The following SH3RF2 variants were observed in gnomAD, a reference collection of about 807,000 sequenced individuals.
SH3RF2 encodes E3 ubiquitin-protein ligase SH3RF2.
Under a neutral mutation model 59.0 loss-of-function variants are expected in SH3RF2, and 43 were observed. That is an observed-to-expected ratio of 0.73 (90% CI 0.57 to 0.94). The LOEUF (loss-of-function observed/expected upper bound fraction) is 0.94. SH3RF2 is among the 40% of genes least tolerant of loss of function. The pLI, the probability that SH3RF2 is intolerant of heterozygous loss-of-function variation, is 0.00. For missense variants in SH3RF2, 930 were observed against 940.1 expected (o/e 0.99, Z 0.14); for synonymous variants, 391 against 391.5 (o/e 1.00, Z 0.01).
In SH3RF2 at chr5:146,013,933, A is replaced by T; in HGVS notation, c.931A>T (p.Met311Leu). The T allele has an allele frequency of 6.2e-7, 1 of 1,614,072 alleles. No homozygotes were observed. Among genetic ancestry groups the T allele is most frequent in the African/African-American group, 1.3e-5 (1 of 75,010 alleles). ...AACAGCCTTGAACACTCTCAACCGGATGGTCCATTCTCCTTCAGGGCGCCA... is the reference window on the plus strand; with the variant it reads ...AACAGCCTTGAACACTCTCAACCGGTTGGTCCATTCTCCTTCAGGGCGCCA... ...ITTALNTLNR[M>L]VHSPSGRHMV... The change falls in exon 5 of 10, where the codon ATG (methionine) becomes TTG (leucine). Residue 311 changes from methionine to leucine, a missense_variant. Met to Leu is a conservative substitution (Grantham distance 15). Coordinates refer to ENST00000359120, the MANE Select transcript of SH3RF2 (RefSeq NM_152550.4).
chr5:146,048,957 G>C (rs1289356447), intron 6 of SH3RF2, 118 bp from the exon 7 acceptor site: 1 of 1,233,470 alleles, frequency 8.1e-7, no homozygotes, highest in South Asian at 1.4e-5. Context: ...GCACCCGCTC[G>C]ACCAAGAAGG....
chr5:146,022,855 C>A (rs1353764971), intron 5 of SH3RF2, among the ~76,000 whole-genome samples: 1 of 150,038 alleles, frequency 6.7e-6, no homozygotes, highest in Non-Finnish European at 1.5e-5. Flanking sequence ...CTGAGTGACA[C>A]AGAGCAAGGC....
At chr5:145,970,084 T>G (rs1759018482) in intron 2 of SH3RF2, among the ~76,000 whole-genome samples, 1 of 152,202 alleles carries the variant, frequency 6.6e-6, no homozygotes, top group South Asian at 2.1e-4. Context: ...TAGCTTTACA[T>G]GTATTAACTC....
At chr5:146,032,962 G>A (rs527580275) in intron 5 of SH3RF2, among the ~76,000 whole-genome samples, 7 of 152,210 alleles carry the variant, frequency 4.6e-5, no homozygotes, top group South Asian at 2.1e-4. Flanking sequence ...ATATACACAC[G>A]GACTTGTGTG....
In SH3RF2 at chr5:145,938,380, A is replaced by G. The variant is rs777160624; in HGVS notation, c.378+74A>G. The G allele has an allele frequency of 5.5e-6, 8 of 1,458,040 alleles. No homozygotes were observed. The African/African-American group carries it at 7.1e-5, about 13-fold the overall frequency. The allele number at this position is 1,458,040 out of a possible 1,614,324, so 90.3% of individuals were successfully genotyped here. ...TTGTGTATACAAGGAGCTAGAGATTATCTTCTTTTAGTTACATTCCAGAGT... is the reference window on the plus strand; with the variant it reads ...TTGTGTATACAAGGAGCTAGAGATTGTCTTCTTTTAGTTACATTCCAGAGT... On this transcript the variant is annotated intron_variant, in intron 2 of 9. Transcript: ENST00000359120.
At chr5:146,060,862 C>T (rs1012969765) in intron 9 of SH3RF2, among the ~76,000 whole-genome samples, 9 of 152,122 alleles carry the variant, frequency 5.9e-5, no homozygotes, top group Non-Finnish European at 1.3e-4. Flanking sequence ...CACTAGAAGA[C>T]GTGAGAGTTT....
chr5:145,999,043 G>A (rs578035967), intron 2 of SH3RF2, among the ~76,000 whole-genome samples: 83 of 151,684 alleles, frequency 5.5e-4, no homozygotes, highest in African/African-American at 1.9e-3. Context: ...AAACCTTAAT[G>A]ATGATCTGAG....
chr5:146,062,142 C>T (rs951298945), intron 9 of SH3RF2, among the ~76,000 whole-genome samples: 3 of 152,100 alleles, frequency 2.0e-5, no homozygotes, highest in Non-Finnish European at 2.9e-5. Flanking sequence ...TTTTTATAGG[C>T]GGCGGCCTAC....
At chr5:145,984,301 G>A (rs1759618307) in intron 2 of SH3RF2, among the ~76,000 whole-genome samples, 1 of 152,172 alleles carries the variant, frequency 6.6e-6, no homozygotes, top group Non-Finnish European at 1.5e-5. Context: ...GCAACACAGG[G>A]TGATGAGTGT....
intron 8 of SH3RF2, among the ~76,000 whole-genome samples, chr5:146,057,484 CTT>C (rs1276213850): frequency 6.6e-6 from 1 of 152,204 alleles, no homozygotes; most frequent in Non-Finnish European, 1.5e-5. Flanking sequence ...TCAGGGTTAA[CTT>C]AATAAAACAA....
At chr5:145,971,522 AT>A (rs1759078950) in intron 2 of SH3RF2, among the ~76,000 whole-genome samples, 1 of 152,224 alleles carries the variant, frequency 6.6e-6, no homozygotes, top group Non-Finnish European at 1.5e-5. Context: ...TATTTTTCTA[AT>A]GCCTTCAAGC....
intron 5 of SH3RF2, among the ~76,000 whole-genome samples, chr5:146,018,185 G>A (rs778703921): frequency 6.6e-6 from 1 of 152,004 alleles, no homozygotes; most frequent in African/African-American, 2.4e-5. Context: ...AGATTTTAAT[G>A]TACCCATCAC....
intron 2 of SH3RF2, among the ~76,000 whole-genome samples, chr5:145,971,409 C>A (rs1028414447): frequency 2.0e-5 from 3 of 152,234 alleles, no homozygotes; most frequent in African/African-American, 7.2e-5. Flanking sequence ...GCATGTGGGG[C>A]TCCCTACCTG....
intron 5 of SH3RF2, among the ~76,000 whole-genome samples, chr5:146,025,439 G>A (rs1407842050): frequency 1.3e-5 from 2 of 152,246 alleles, no homozygotes; most frequent in Non-Finnish European, 2.9e-5. Flanking sequence ...TTGCCTTCCT[G>A]AGGTCTGGTT....
chr5:146,064,542 A>G (rs1378896588), downstream of SH3RF2, among the ~76,000 whole-genome samples: 2 of 140,288 alleles, frequency 1.4e-5, no homozygotes, highest in Non-Finnish European at 3.0e-5. Context: ...GCTGGGTGCC[A>G]TAGAAAGAAA....
chr5:146,044,737 C>G (rs969045014), intron 5 of SH3RF2, among the ~76,000 whole-genome samples: 1 of 152,134 alleles, frequency 6.6e-6, no homozygotes, highest in Non-Finnish European at 1.5e-5. Context: ...TCAGGGTCTT[C>G]CACTATCTCC....
chr5:145,945,165 C>T (rs192715103), intron 2 of SH3RF2, among the ~76,000 whole-genome samples: 155 of 152,160 alleles, frequency 1.0e-3, no homozygotes, highest in African/African-American at 3.6e-3. Flanking sequence ...AAGAGAAACA[C>T]TACTATGTTA....
At position 145,968,962 on chromosome 5, in the gene SH3RF2, A is replaced by G. The variant is rs1393101833; in HGVS notation, c.378+30656A>G. 6.6e-5 allele frequency among the ~76,000 whole-genome samples: 10 copies of G among 152,354 alleles called. No homozygotes were observed. The South Asian group carries it at 2.1e-3, about 32-fold the overall frequency. On this transcript the variant is annotated intron_variant, in intron 2 of 9. Transcript: ENST00000359120. ...GTGTCTAGATCTCTGTATAGAGAAC[A>G]TATAATTCTTTTTTACTTTTTAATT...
intron 9 of SH3RF2, among the ~76,000 whole-genome samples, chr5:146,076,264 G>A (rs909238931): frequency 1.4e-4 from 21 of 152,122 alleles, no homozygotes; most frequent in African/African-American, 5.1e-4. Flanking sequence ...TAATCTGGGA[G>A]GGGCATTCTC....
Sources: allele counts gnomAD v4.1 joint callset (sites outside exome capture counted in the v4.1 genomes callset), GRCh38; gene constraint gnomAD v4.1.1; transcripts MANE v1.5; gene names NCBI Gene and HGNC (gene_info 2026-07-23, HGNC 2026-07-21).